The following ADAM22 variants were observed in gnomAD, a reference collection of about 807,000 sequenced individuals.
The protein encoded by ADAM22 is disintegrin and metalloproteinase domain-containing protein 22.
A neutral mutation model predicts 144.6 loss-of-function variants in ADAM22; 65 were observed. That is an observed-to-expected ratio of 0.45 (90% confidence interval 0.37 to 0.55). ADAM22 has a LOEUF of 0.55. Ranked by LOEUF, ADAM22 falls within the 20% of genes least tolerant of loss-of-function variation. The pLI is 0.00. For synonymous variants in ADAM22, 391 were observed against 412.6 expected (o/e 0.95, Z 0.63); for missense variants, 974 against 1,184.9 (o/e 0.82, Z 2.61).
chr7:87,982,787 TG>T (rs1316299436), intron 3 of ADAM22, among the ~76,000 whole-genome samples: 1 of 148,200 alleles, frequency 6.7e-6, no homozygotes, highest in Non-Finnish European at 1.5e-5. Context: ...CTCTGCCTCC[TG>T]GGTTCAAGTG....
At chr7:88,169,402 T>C (rs1057108026) in intron 25 of ADAM22, among the ~76,000 whole-genome samples, 3 of 152,104 alleles carry the variant, frequency 2.0e-5, no homozygotes, top group African/African-American at 7.2e-5. Context: ...CTGTACCATG[T>C]AGTCTTCCAC....
At chr7:87,998,682 C>A (rs1365761858) in intron 3 of ADAM22, among the ~76,000 whole-genome samples, 1 of 152,150 alleles carries the variant, frequency 6.6e-6, no homozygotes, top group African/African-American at 2.4e-5. Flanking sequence ...AGCCACCACG[C>A]CCTGCCGAGA....
At chr7:88,041,685 C>T (rs2129472042) in intron 3 of ADAM22, among the ~76,000 whole-genome samples, 1 of 152,060 alleles carries the variant, frequency 6.6e-6, no homozygotes, top group South Asian at 2.1e-4. Context: ...ATTTAACATG[C>T]TTTTTTCCCT....
At chr7:87,934,619 A>G in intron 1 of ADAM22, 69 bp downstream of exon 1, 9 of 1,346,606 alleles carry the variant, frequency 6.7e-6, no homozygotes, top group African/African-American at 1.5e-5. Flanking sequence ...CCTCAGGCGT[A>G]TTGAAAAGGG....
rs542364291 is a variant in ADAM22, at chr7:88,171,894, T to C, written c.2300+333T>C. Among the ~76,000 whole-genome samples the C allele has an allele frequency of 4.6e-5, 7 of 151,980 alleles. No homozygotes were observed. In the East Asian group the frequency reaches 1.3e-3, roughly 29 times the overall value. ...CTCTATGTTAAGGTGTCCCATTTGT[T>C]TACATTAATATTAGCTTTTCTTCAT... On this transcript the variant is annotated intron_variant, in intron 26 of 31. Coordinates refer to ENST00000413139, the MANE Select transcript of ADAM22 (RefSeq NM_001324418.2).
chr7:88,062,367 C>T (rs1810124627), intron 3 of ADAM22, among the ~76,000 whole-genome samples: 1 of 152,198 alleles, frequency 6.6e-6, no homozygotes. Context: ...GAGACTGCTT[C>T]CTTCTTTAAA....
At chr7:87,941,445 G>A (rs375633050) in intron 2 of ADAM22, among the ~76,000 whole-genome samples, 16 of 152,218 alleles carry the variant, frequency 1.1e-4, no homozygotes, top group East Asian at 1.9e-4. Context: ...CTTCCGTGGC[G>A]GAAAATGGCT....
chr7:88,129,043 C>T (rs577065783), intron 9 of ADAM22, among the ~76,000 whole-genome samples: 12 of 151,986 alleles, frequency 7.9e-5, no homozygotes, highest in East Asian at 1.9e-4. Flanking sequence ...TTTTAGTTCG[C>T]GGGGTACACC....
At chr7:88,009,954 G>T (rs1023857645) in intron 3 of ADAM22, among the ~76,000 whole-genome samples, 2 of 152,052 alleles carry the variant, frequency 1.3e-5, no homozygotes, top group African/African-American at 4.8e-5. Flanking sequence ...AAGTGTTTCC[G>T]TAACTCTACT....
intron 3 of ADAM22, among the ~76,000 whole-genome samples, chr7:88,063,454 TAAGAA>T (rs1019316071): frequency 1.2e-4 from 18 of 151,988 alleles, no homozygotes; most frequent in African/African-American, 4.3e-4. Context: ...GTAGTGATAT[TAAGAA>T]AAGAAAATTT....
intron 4 of ADAM22, among the ~76,000 whole-genome samples, chr7:88,080,586 T>C (rs890242649): frequency 2.0e-5 from 3 of 151,202 alleles, no homozygotes; most frequent in African/African-American, 7.3e-5. Flanking sequence ...ATCAACAAAA[T>C]TGATAGACCG....
chr7:88,064,952 TAGC>T (rs1382343920), intron 3 of ADAM22, among the ~76,000 whole-genome samples: 1 of 152,132 alleles, frequency 6.6e-6, no homozygotes, highest in East Asian at 1.9e-4. Context: ...GTAGTAGTGG[TAGC>T]AGTGGTAATA....
intron 3 of ADAM22, 97 bp from the exon 4 acceptor site, chr7:88,075,529 A>C (rs956168797): frequency 1.2e-5 from 12 of 1,020,760 alleles, no homozygotes; most frequent in Non-Finnish European, 1.8e-5. Flanking sequence ...GGGGGCTTAA[A>C]GAATTGTTAA....
At chr7:88,174,765 A>G (rs1211295169) in intron 26 of ADAM22, among the ~76,000 whole-genome samples, 1 of 152,130 alleles carries the variant, frequency 6.6e-6, no homozygotes, top group Non-Finnish European at 1.5e-5. Context: ...TTTTTGATTT[A>G]TGGTTTCACT....
At chr7:88,142,718 G>A (rs187386989) in intron 14 of ADAM22, among the ~76,000 whole-genome samples, 2,775 of 151,896 alleles carry the variant, frequency 0.018, 29 homozygotes, top group South Asian at 0.035. Context: ...GGCGCCTGTA[G>A]TCCCAGCTAC....
At chr7:88,158,652 A>G (rs1330685163) in intron 22 of ADAM22, among the ~76,000 whole-genome samples, 2 of 152,132 alleles carry the variant, frequency 1.3e-5, no homozygotes, top group Non-Finnish European at 2.9e-5. Flanking sequence ...TGGTCCTGAA[A>G]TGACTTTTAG....
chr7:88,016,641 C>T (rs1796600381), intron 3 of ADAM22, among the ~76,000 whole-genome samples: 1 of 152,058 alleles, frequency 6.6e-6, no homozygotes, highest in Non-Finnish European at 1.5e-5. Flanking sequence ...CTTGCATCTC[C>T]TTTGGATCTT....
intron 15 of ADAM22, among the ~76,000 whole-genome samples, chr7:88,144,552 A>G (rs950035596): frequency 2.0e-5 from 3 of 152,178 alleles, no homozygotes; most frequent in African/African-American, 7.2e-5. Flanking sequence ...CTCATTGTCT[A>G]TGAAATAGTT....
chr7:87,987,041 A>G (rs776413885), intron 3 of ADAM22, among the ~76,000 whole-genome samples: 1 of 152,232 alleles, frequency 6.6e-6, no homozygotes, highest in Non-Finnish European at 1.5e-5. Flanking sequence ...ATGTGCAACA[A>G]TGAAACCTTT....
Sources: gnomAD v4.1 joint callset for allele counts (sites outside exome capture counted in the v4.1 genomes callset) on GRCh38, gnomAD v4.1.1 for gene constraint, MANE v1.5 for transcripts, NCBI Gene and HGNC (gene_info 2026-07-23, HGNC 2026-07-21) for gene names.